KHDRBS2: variants seen among roughly 807,000 people sequenced by gnomAD.
KHDRBS2 encodes KH RNA binding domain containing, signal transduction associated 2.
Under a neutral mutation model 44.3 loss-of-function variants are expected in KHDRBS2, and 26 were observed. The observed-to-expected ratio is 0.59, with a 90% CI of 0.43 to 0.81. The LOEUF is 0.81. Among genes scored for constraint, KHDRBS2 ranks in the 40% least tolerant of loss-of-function variants. The pLI is 0.00. For synonymous variants in KHDRBS2, 194 were observed against 151.1 expected (o/e 1.28, Z -2.08); for missense variants, 476 against 433.1 (o/e 1.10, Z -0.88).
chr6:61,568,522 G>GA, the KHDRBS2 span, among the ~76,000 whole-genome samples: 2 of 152,010 alleles, frequency 1.3e-5, no homozygotes, highest in East Asian at 1.9e-4. Context: ...CAAGAAAACA[G>GA]AAAAAAATCA....
At chr6:62,107,919 C>A (rs568244896) in intron 2 of KHDRBS2, among the ~76,000 whole-genome samples, 1 of 152,212 alleles carries the variant, frequency 6.6e-6, no homozygotes, top group African/African-American at 2.4e-5. Context: ...GGATCCCTTC[C>A]TTACACCTTA....
At chr6:61,781,396 A>T (rs1387935765) in intron 6 of KHDRBS2, among the ~76,000 whole-genome samples, 1 of 152,158 alleles carries the variant, frequency 6.6e-6, no homozygotes, top group Non-Finnish European at 1.5e-5. Context: ...AACCCAGGCT[A>T]ACCCTTTTCT....
At chr6:62,024,778 G>A (rs1414401685) in intron 3 of KHDRBS2, among the ~76,000 whole-genome samples, 3 of 151,156 alleles carry the variant, frequency 2.0e-5, no homozygotes, top group African/African-American at 7.3e-5. Context: ...CTATTTCATT[G>A]TAATCTGTAA....
chr6:61,668,799 A>G, the KHDRBS2 span, among the ~76,000 whole-genome samples: 1 of 150,962 alleles, frequency 6.6e-6, no homozygotes, highest in African/African-American at 2.4e-5. Flanking sequence ...CCTATTACTA[A>G]ATATAATAAG....
chr6:61,824,680 A>G (rs1201960203), intron 6 of KHDRBS2, among the ~76,000 whole-genome samples: 1 of 152,194 alleles, frequency 6.6e-6, no homozygotes, highest in Non-Finnish European at 1.5e-5. Context: ...AGATACTTTG[A>G]AAATTTCATA....
chr6:61,777,986 G>T (rs1782361565), intron 6 of KHDRBS2, among the ~76,000 whole-genome samples: 2 of 151,860 alleles, frequency 1.3e-5, no homozygotes, highest in Admixed American at 1.3e-4. Context: ...AATTTTTTCT[G>T]CCCCTCTCCC....
chr6:62,193,212 T>A (rs1277133780), intron 1 of KHDRBS2, among the ~76,000 whole-genome samples: 1 of 152,098 alleles, frequency 6.6e-6, no homozygotes, highest in Non-Finnish European at 1.5e-5. Context: ...TTTCCAGGGA[T>A]AAACACTTCA....
chr6:61,599,421 G>T, the KHDRBS2 span, among the ~76,000 whole-genome samples: 1 of 152,012 alleles, frequency 6.6e-6, no homozygotes, highest in Non-Finnish European at 1.5e-5. Flanking sequence ...TGAATACCAT[G>T]GACATGAGTG....
chr6:62,119,942 A>ATG (rs1204931813), intron 2 of KHDRBS2, among the ~76,000 whole-genome samples: 154 of 152,324 alleles, frequency 1.0e-3, no homozygotes, highest in African/African-American at 3.5e-3. Flanking sequence ...GTGACCCACA[A>ATG]GGCAGTGCAC....
Position 61,841,814 on chromosome 6 carries a change from G to GTT in KHDRBS2, c.810+52819_810+52820dup, listed in dbSNP as rs145819402. On this transcript the variant is annotated intron_variant, in intron 6 of 8. Coordinates refer to ENST00000281156, the MANE Select transcript of KHDRBS2 (RefSeq NM_152688.4). ...AACGCTTTATAACATCCCTTAAAGA[G>GTT]TTTTTTTTACAAAGATGGAACTTTA... Among the ~76,000 whole-genome samples the GTT allele has an allele frequency of 2.8e-4, 43 of 151,976 alleles. 1 individual carries two copies. The highest frequency in any genetic ancestry group is 9.9e-4 in the African/African-American group (41 of 41,424).
In KHDRBS2 at chr6:62,124,618, C is replaced by CACA. The variant is rs1429263493; in HGVS notation, c.219+52566_219+52567insTGT. On this transcript the variant is annotated intron_variant, in intron 2 of 8. Coordinates refer to ENST00000281156, the MANE Select transcript of KHDRBS2 (RefSeq NM_152688.4). Reference sequence around the variant, plus strand: ...ACACACACACACACACACACACACACACCACCTTTATCCAATCATCTGTTG... The same window carrying CACA: ...ACACACACACACACACACACACACACACAACCACCTTTATCCAATCATCTGTTG... Among the ~76,000 whole-genome samples, 6 of 151,838 alleles carry CACA rather than the reference C, an allele frequency of 4.0e-5. No individual in the cohort carries two copies. In the South Asian group the frequency reaches 8.3e-4, roughly 21 times the overall value.
intron 2 of KHDRBS2, among the ~76,000 whole-genome samples, chr6:62,081,248 C>A (rs1004028762): frequency 1.3e-5 from 2 of 151,958 alleles, no homozygotes; most frequent in African/African-American, 4.8e-5. Flanking sequence ...GTACAATAAT[C>A]GGAAAATGAA....
Position 62,122,381 on chromosome 6 carries a change from T to A in KHDRBS2, c.219+54804A>T, listed in dbSNP as rs988468335. On this transcript the variant is annotated intron_variant, in intron 2 of 8. Transcript: ENST00000281156. ...TTGACTATGGGTCATCAAGTCACCA[T>A]GTGACTTGAACTGCCTATCATGAAC... Among the ~76,000 whole-genome samples, 4 of 152,154 alleles carry A rather than the reference T, an allele frequency of 2.6e-5. 1 individual carries two copies. The highest frequency in any genetic ancestry group is 4.4e-5 in the Non-Finnish European group (3 of 68,016).
chr6:62,054,886 G>A (rs1789910519), intron 2 of KHDRBS2, among the ~76,000 whole-genome samples: 1 of 151,934 alleles, frequency 6.6e-6, no homozygotes, highest in Non-Finnish European at 1.5e-5. Flanking sequence ...TTATAGAAGC[G>A]ATAGGAAACT....
At chr6:61,566,295 G>C in the KHDRBS2 span, among the ~76,000 whole-genome samples, 1 of 152,120 alleles carries the variant, frequency 6.6e-6, no homozygotes, top group Non-Finnish European at 1.5e-5. Context: ...ATTACAGTTA[G>C]ATAGTAGGAG....
In KHDRBS2 at chr6:62,234,477, C is replaced by CATTTCATT. The variant is rs576239340; in HGVS notation, c.91+51373_91+51380dup. Among the ~76,000 whole-genome samples the CATTTCATT allele has an allele frequency of 6.4e-3, 978 of 152,028 alleles. 8 individuals are homozygous for CATTTCATT. The highest frequency in any genetic ancestry group is 0.021 in the African/African-American group (866 of 41,482). The stretch of plus-strand genomic sequence containing the variant: ...ACACAGTGATGAAAATGACAAATAC[C>CATTTCATT]ATTTCATTATATCCAATATTCTTCA... On this transcript the variant is annotated intron_variant, in intron 1 of 8. Coordinates refer to ENST00000281156, the MANE Select transcript of KHDRBS2 (RefSeq NM_152688.4).
chr6:61,682,328 A>G (rs1158448444), intron 8 of KHDRBS2, among the ~76,000 whole-genome samples: 1 of 151,902 alleles, frequency 6.6e-6, no homozygotes, highest in African/African-American at 2.4e-5. Flanking sequence ...CCAGGGCATT[A>G]TTATTACAAC....
intron 2 of KHDRBS2, among the ~76,000 whole-genome samples, chr6:62,117,152 A>T (rs576754470): frequency 2.0e-5 from 3 of 151,168 alleles, no homozygotes; most frequent in South Asian, 4.2e-4. Context: ...ATCTAGTTTT[A>T]TTTTTTTTTG....
the KHDRBS2 span, among the ~76,000 whole-genome samples, chr6:61,610,323 G>T: frequency 1.3e-5 from 2 of 152,114 alleles, no homozygotes; most frequent in South Asian, 2.1e-4. Context: ...AAAGAGATTT[G>T]CTTCATATAT....
Sources: gnomAD v4.1 joint callset for allele counts (sites outside exome capture counted in the v4.1 genomes callset) on GRCh38, gnomAD v4.1.1 for gene constraint, MANE v1.5 for transcripts, NCBI Gene and HGNC (gene_info 2026-07-23, HGNC 2026-07-21) for gene names.